PACRG: variants seen among roughly 807,000 people sequenced by gnomAD.
PACRG encodes the protein parkin coregulated.
Under a neutral mutation model 29.7 loss-of-function variants are expected in PACRG, and 29 were observed. The ratio of observed to expected loss-of-function variants is 0.98; its 90% CI spans 0.73 to 1.33. The LOEUF is 1.33. Ranked by LOEUF, PACRG falls within the 40% of genes most tolerant of loss-of-function variation. The pLI, the probability that PACRG is intolerant of heterozygous loss-of-function variation, is 0.00. For synonymous variants in PACRG, 116 were observed against 118.7 expected (o/e 0.98, Z 0.15); for missense variants, 279 against 316.2 (o/e 0.88, Z 0.89).
rs148597551 is a variant in PACRG, at chr6:163,041,059, C to T, written c.292-21091C>T. 6.2e-3 allele frequency among the ~76,000 whole-genome samples: 938 copies of T among 152,224 alleles called. 4 individuals carry two copies. The highest frequency in any genetic ancestry group is 0.016 in the African/African-American group (645 of 41,552). ...CAAATTATAATCCCCATACATCAGCCGGGTGCAGTGGCTCATGCCTGTAAT... is the reference window on the plus strand; with the variant it reads ...CAAATTATAATCCCCATACATCAGCTGGGTGCAGTGGCTCATGCCTGTAAT... On this transcript the variant is annotated intron_variant, in intron 2 of 4. Transcript: ENST00000366888.
chr6:163,271,348 CT>C (rs1383254151), intron 4 of PACRG, among the ~76,000 whole-genome samples: 2 of 24,370 alleles, frequency 8.2e-5, no homozygotes, highest in African/African-American at 1.8e-4. Flanking sequence ...AGGAACAATA[CT>C]TTGCATCCTT....
chr6:162,795,567 T>A (rs1785310257), intron 1 of PACRG, among the ~76,000 whole-genome samples: 1 of 152,180 alleles, frequency 6.6e-6, no homozygotes, highest in South Asian at 2.1e-4. Context: ...ATTTCCTGAC[T>A]AATTTTTTAA....
intron 2 of PACRG, among the ~76,000 whole-genome samples, chr6:163,018,562 C>A (rs1245508920): frequency 6.6e-6 from 1 of 152,086 alleles, no homozygotes; most frequent in East Asian, 1.9e-4. Flanking sequence ...CCAATTTCTT[C>A]TGGTAGAAAG....
intron 2 of PACRG, among the ~76,000 whole-genome samples, chr6:162,870,407 CG>C (rs1460902280): frequency 1.3e-5 from 2 of 152,124 alleles, no homozygotes; most frequent in Non-Finnish European, 2.9e-5. Context: ...TGCTACCACA[CG>C]TACATTTCTT....
chr6:163,314,885 G>A lies in PACRG; in HGVS notation c.672G>A (p.Leu224=). The change falls in exon 5 of 5, where the codon TTG becomes TTA. Residue 224 remains leucine (L), a synonymous_variant. Coordinates refer to ENST00000366888, the MANE Select transcript of PACRG (RefSeq NM_001080379.2). The part of the protein sequence containing the change: ...SQQKRENIGD[L]IQETLEAFER... ...AGAAGAGGGAGAACATTGGGGACTT[G>A]ATCCAGGAGACACTGGAGGCCTTCG... 1.9e-6 allele frequency: 3 copies of A among 1,614,186 alleles called. No homozygotes were observed. Among genetic ancestry groups the A allele is most frequent in the Non-Finnish European group, 1.7e-6 (2 of 1,180,030 alleles).
At chr6:162,799,215 T>A (rs1312007397) in intron 1 of PACRG, among the ~76,000 whole-genome samples, 5 of 152,160 alleles carry the variant, frequency 3.3e-5, no homozygotes, top group Non-Finnish European at 7.3e-5. Context: ...AATGCATATT[T>A]ACTAAAAAAT....
intron 2 of PACRG, among the ~76,000 whole-genome samples, chr6:162,892,985 CGG>C (rs1794890127): frequency 1.4e-5 from 2 of 146,390 alleles, no homozygotes; most frequent in Non-Finnish European, 3.0e-5. Context: ...GCCCACACCC[CGG>C]AGAAGAACCA....
intron 2 of PACRG, among the ~76,000 whole-genome samples, chr6:162,821,888 T>C (rs544657152): frequency 6.6e-6 from 1 of 152,344 alleles, no homozygotes; most frequent in African/African-American, 2.4e-5. Context: ...ACAAATGGAA[T>C]CAGATTGGCA....
At chr6:162,758,446 G>A (rs1782101314) in intron 1 of PACRG, among the ~76,000 whole-genome samples, 1 of 152,108 alleles carries the variant, frequency 6.6e-6, no homozygotes, top group South Asian at 2.1e-4. Flanking sequence ...TTACAAATCA[G>A]TTTTTACCTG....
intron 1 of PACRG, among the ~76,000 whole-genome samples, chr6:162,754,721 A>G (rs560158602): frequency 6.6e-6 from 1 of 152,082 alleles, no homozygotes; most frequent in East Asian, 1.9e-4. Context: ...TATTGAAGAG[A>G]TTGTATTTTC....
chr6:163,275,340 T>C (rs915860608), intron 4 of PACRG, among the ~76,000 whole-genome samples: 6 of 152,208 alleles, frequency 3.9e-5, no homozygotes, highest in African/African-American at 1.4e-4. Context: ...GCTTTTCATA[T>C]GTATGTTCTG....
intron 2 of PACRG, among the ~76,000 whole-genome samples, chr6:162,876,833 A>G (rs1232755013): frequency 6.6e-6 from 1 of 152,176 alleles, no homozygotes; most frequent in Non-Finnish European, 1.5e-5. Context: ...TAGGGATTTT[A>G]TGGTTTTAAG....
intron 4 of PACRG, among the ~76,000 whole-genome samples, chr6:163,116,060 A>G (rs921720688): frequency 1.3e-5 from 2 of 152,180 alleles, no homozygotes; most frequent in African/African-American, 4.8e-5. Flanking sequence ...TGAGGGGTGT[A>G]TTAGTGCATT....
chr6:163,178,550 C>T (rs1779500702), intron 4 of PACRG, among the ~76,000 whole-genome samples: 1 of 152,104 alleles, frequency 6.6e-6, no homozygotes, highest in Non-Finnish European at 1.5e-5. Flanking sequence ...TTCATAGAGC[C>T]GTTGCACTTT....
At chr6:163,176,553 G>T (rs1008123936) in intron 4 of PACRG, among the ~76,000 whole-genome samples, 2 of 152,006 alleles carry the variant, frequency 1.3e-5, no homozygotes, top group African/African-American at 2.4e-5. Context: ...AGAAAGAAAG[G>T]GGGGAGGGAA....
chr6:162,889,344 T>C lies in PACRG; in HGVS notation c.291+75063T>C, dbSNP rs981356165. On this transcript the variant is annotated intron_variant, in intron 2 of 4. Transcript: ENST00000366888. The stretch of plus-strand genomic sequence containing the variant: ...AGGCTATGATATTCAGTTTTTGAGA[T>C]AGGTTAACAAATTGAAAACCCAGCT... 5.3e-5 allele frequency among the ~76,000 whole-genome samples: 8 copies of C among 152,338 alleles called. No homozygotes were observed. The South Asian group carries it at 1.0e-3, about 20-fold the overall frequency.
chr6:163,142,932 G>A (rs895969382), intron 4 of PACRG, among the ~76,000 whole-genome samples: 8 of 152,076 alleles, frequency 5.3e-5, no homozygotes, highest in African/African-American at 7.2e-5. Flanking sequence ...CCAAGAATCC[G>A]TCCTAGAACA....
intron 2 of PACRG, among the ~76,000 whole-genome samples, chr6:163,061,704 G>T (rs1414232781): frequency 1.3e-5 from 2 of 152,142 alleles, no homozygotes; most frequent in Non-Finnish European, 2.9e-5. Context: ...TCCCAGGAAC[G>T]TATGAACATG....
chr6:163,310,515 G>A (rs1785371906), intron 4 of PACRG: 2 of 152,218 alleles, frequency 1.3e-5, no homozygotes, highest in African/African-American at 4.8e-5. Context: ...TGAAACAGCT[G>A]CAGCTGCTGC....
Sources: allele counts gnomAD v4.1 joint callset (sites outside exome capture counted in the v4.1 genomes callset), GRCh38; gene constraint gnomAD v4.1.1; transcripts MANE v1.5; gene names NCBI Gene and HGNC (gene_info 2026-07-23, HGNC 2026-07-21).